The following TBX19 variants were observed in gnomAD, a reference collection of about 807,000 sequenced individuals.
The protein encoded by TBX19 is T-box transcription factor TBX19.
TBX19 carries 33 observed loss-of-function variants against 40.9 expected under a neutral mutation model. That is an observed-to-expected ratio of 0.81 (90% CI 0.61 to 1.08). The LOEUF is 1.08. TBX19 is among the 50% of genes least tolerant of loss of function. The probability of loss-of-function intolerance (pLI) is 0.00; values close to 1 mark genes in which losing one functional copy is unlikely to be tolerated. For missense variants in TBX19, 494 were observed against 574.0 expected (o/e 0.86, Z 1.42); for synonymous variants, 220 against 225.0 (o/e 0.98, Z 0.20).
intron 7 of TBX19, among the ~76,000 whole-genome samples, chr1:168,309,218 C>T (rs888885190): frequency 6.6e-6 from 1 of 152,018 alleles, no homozygotes; most frequent in Admixed American, 6.6e-5. Context: ...ACTAAAAATA[C>T]AAAAATTAGC....
chr1:168,312,563 C>G, intron 7 of TBX19, 145 bp from the exon 8 acceptor site: 1 of 895,042 alleles, frequency 1.1e-6, no homozygotes, highest in South Asian at 1.5e-5. Flanking sequence ...CAGGACCAAT[C>G]TGCGTCATAG....
chr1:168,310,329 C>CA (rs1386388456), intron 7 of TBX19, among the ~76,000 whole-genome samples: 3 of 151,176 alleles, frequency 2.0e-5, no homozygotes, highest in African/African-American at 7.3e-5. Context: ...TTTGGGAAGA[C>CA]ATCAGATGAC....
In TBX19 at chr1:168,288,581, A is replaced by G. The variant is rs1000919186; in HGVS notation, c.204-2579A>G. Among the ~76,000 whole-genome samples the G allele has an allele frequency of 2.6e-5, 4 of 152,334 alleles. No homozygotes were observed. In the South Asian group the frequency reaches 8.3e-4, roughly 32 times the overall value. On this transcript the variant is annotated intron_variant, in intron 1 of 7. Coordinates refer to ENST00000367821, the MANE Select transcript of TBX19 (RefSeq NM_005149.3). ...CTCGCCTTAAGTCATTTCTTAAATC[A>G]TAAGTCAGAACTTTATGAAACATCC...
intron 1 of TBX19, among the ~76,000 whole-genome samples, chr1:168,285,299 A>ACC (rs761737707): frequency 4.5e-5 from 6 of 132,384 alleles, no homozygotes; most frequent in African/African-American, 1.7e-4. Context: ...ACACACACAC[A>ACC]CCCCTCTAAA....
chr1:168,303,442 T>TC (rs1649325823), intron 5 of TBX19, among the ~76,000 whole-genome samples: 1 of 152,216 alleles, frequency 6.6e-6, no homozygotes, highest in African/African-American at 2.4e-5. Flanking sequence ...AGTCCTTTGA[T>TC]AGGACTGTAA....
intron 2 of TBX19, among the ~76,000 whole-genome samples, chr1:168,292,230 G>T (rs530107126): frequency 3.3e-5 from 5 of 152,212 alleles, no homozygotes; most frequent in Admixed American, 6.5e-5. Context: ...GTGTCCAGAG[G>T]TAACACTACC....
chr1:168,300,588 A>C (rs1010148173), intron 5 of TBX19, 105 bp downstream of exon 5: 93 of 1,050,526 alleles, frequency 8.9e-5, no homozygotes, highest in Non-Finnish European at 1.2e-4. Context: ...AGGACTTCCA[A>C]ATCAAAACCC....
chr1:168,301,662 T>C lies in TBX19; in HGVS notation c.727+1179T>C, dbSNP rs112750555. Among the ~76,000 whole-genome samples, 143 of 152,346 alleles carry C rather than the reference T, an allele frequency of 9.4e-4. 1 individual carries two copies. The highest frequency in any genetic ancestry group is 3.3e-3 in the African/African-American group (137 of 41,588). On this transcript the variant is annotated intron_variant, in intron 5 of 7. Coordinates refer to ENST00000367821, the MANE Select transcript of TBX19 (RefSeq NM_005149.3). ...TTGGGTCAAGTTTGAGGACTACAGCTTGGGAGCACAGATTCAAGTTCCCCT... is the reference window on the plus strand; with the variant it reads ...TTGGGTCAAGTTTGAGGACTACAGCCTGGGAGCACAGATTCAAGTTCCCCT...
chr1:168,298,062 G>A (rs991633292), intron 4 of TBX19, among the ~76,000 whole-genome samples: 3 of 152,174 alleles, frequency 2.0e-5, no homozygotes, highest in African/African-American at 4.8e-5. Flanking sequence ...CGGGTGTGGT[G>A]GCGGGCGCCT....
intron 7 of TBX19, among the ~76,000 whole-genome samples, chr1:168,310,818 T>G (rs1046317840): frequency 3.4e-5 from 5 of 146,760 alleles, no homozygotes; most frequent in South Asian, 2.1e-4. Flanking sequence ...CTATAAAATA[T>G]ATATTAAAAA....
In TBX19 at chr1:168,291,271, C is replaced by T. The variant is rs143801899; in HGVS notation, c.315C>T (p.Asn105=). ...ACAGTCACCGCTGGAAGTACGTCAA[C>T]GGGGAATGGGTGCCCGCTGGCAAGC... is the stretch of plus-strand genomic sequence containing the variant. ...PTDSHRWKYV[N]GEWVPAGKPE... The change falls in exon 2 of 8, where the codon AAC becomes AAT. Residue 105 remains asparagine, a synonymous_variant. Transcript: ENST00000367821. 2,054 of 1,614,240 alleles carry T rather than the reference C, an allele frequency of 1.3e-3. 1 individual carries two copies. The highest frequency in any genetic ancestry group is 1.4e-3 in the Non-Finnish European group (1,672 of 1,180,048).
chr1:168,297,623 G>A (rs1455851204), intron 3 of TBX19, 101 bp from the exon 4 acceptor site: 6 of 1,080,300 alleles, frequency 5.6e-6, no homozygotes, highest in Middle Eastern at 2.0e-4. Flanking sequence ...GAAAGGGAAG[G>A]AAAAGAGAGG....
intron 4 of TBX19, among the ~76,000 whole-genome samples, 182 bp downstream of exon 4, chr1:168,297,967 C>T (rs537206584): frequency 2.1e-4 from 32 of 152,180 alleles, no homozygotes; most frequent in Admixed American, 1.5e-3. Context: ...GAGGCCGAGG[C>T]GGGCAGATTA....
Position 168,281,176 on chromosome 1 carries a change from C to T in TBX19, c.86C>T (p.Ala29Val). ...AATGTGGTGGAGAGTGAGCTTCAGG[C>T]AGGGAGGGAAAAAGGCGACCCTACG... ...LLNVVESELQ[A>V]GREKGDPTEK... The change falls in exon 1 of 8, where the codon GCA becomes GTA. Residue 29 changes from alanine to valine, a missense_variant. Physicochemically the swap from Ala to Val is moderately conservative, Grantham distance 64. Around this residue, in one of 3 missense-constraint regions of TBX19, gnomAD observed 201 missense variants for 235.2 expected, o/e 0.85. Coordinates refer to ENST00000367821, the MANE Select transcript of TBX19 (RefSeq NM_005149.3). 6.2e-7 allele frequency: 1 copy of T among 1,614,094 alleles called. No homozygotes were observed.
Position 168,297,777 on chromosome 1 carries a change from C to T in TBX19, c.657C>T (p.Ala219=). The change falls in exon 4 of 8, where the codon GCC becomes GCT. Residue 219 remains alanine, a synonymous_variant. Coordinates refer to ENST00000367821, the MANE Select transcript of TBX19 (RefSeq NM_005149.3). ...YNPFAKAFLD[A]KERNHLRDVP... is the part of the protein sequence containing the mutation. ...CTTTTGCCAAAGCCTTCTTGGATGC[C>T]AAGGAAAGGTAAGTAAAGAAATTTT... The T allele has an allele frequency of 6.2e-7, 1 of 1,613,548 alleles. No individual in the cohort carries two copies. The highest frequency in any genetic ancestry group is 8.5e-7 in the Non-Finnish European group (1 of 1,179,618).
intron 1 of TBX19, among the ~76,000 whole-genome samples, chr1:168,290,524 A>C (rs1294978214): frequency 3.9e-5 from 6 of 152,174 alleles, no homozygotes; most frequent in Non-Finnish European, 1.5e-5. Context: ...TACAGTTAAG[A>C]GTTCCTCTCA....
chr1:168,284,924 C>T lies in TBX19; in HGVS notation c.203+3631C>T, dbSNP rs1007919473. 2.6e-5 allele frequency among the ~76,000 whole-genome samples: 4 copies of T among 151,918 alleles called. 1 individual carries two copies. The highest frequency in any genetic ancestry group is 7.3e-5 in the African/African-American group (3 of 41,364). On this transcript the variant is annotated intron_variant, in intron 1 of 7. Coordinates refer to ENST00000367821, the MANE Select transcript of TBX19 (RefSeq NM_005149.3). Reference sequence around the variant, plus strand: ...AATTTGCCGATTAGTTTCGATGATTCACCAGTGCTTGATGATTAAGGGGTA... The same window carrying T: ...AATTTGCCGATTAGTTTCGATGATTTACCAGTGCTTGATGATTAAGGGGTA...
Position 168,308,809 on chromosome 1 carries a change from A to G in TBX19, c.984A>G (p.Leu328=), listed in dbSNP as rs1649463259. 2.5e-6 allele frequency: 4 copies of G among 1,613,982 alleles called. No homozygotes were observed. Among genetic ancestry groups the G allele is most frequent in the Non-Finnish European group, 3.4e-6 (4 of 1,180,024 alleles). ...VFSGPDSWTS[L]SSTPHASILS... is the part of the protein sequence containing the mutation. ...CGGGACCTGACAGCTGGACTTCCTTATCCTCCACACCCCATGCCAGCATCC... is the reference window on the plus strand; with the variant it reads ...CGGGACCTGACAGCTGGACTTCCTTGTCCTCCACACCCCATGCCAGCATCC... Residue 328 remains leucine (L), a synonymous_variant, in exon 7 of 8, where the codon TTA becomes TTG. Transcript: ENST00000367821.
chr1:168,293,051 A>G (rs7543224), intron 2 of TBX19, 93 bp from the exon 3 acceptor site: 1,033,069 of 1,589,888 alleles, frequency 0.65, 338,493 homozygotes, highest in Non-Finnish European at 0.67. Context: ...GGGTGGTGCT[A>G]AGCTTGGGAC....
Sources: gnomAD v4.1 joint callset for allele counts (sites outside exome capture counted in the v4.1 genomes callset) on GRCh38, gnomAD v4.1.1 for gene constraint, gnomAD v4.1.1 regional missense constraint, MANE v1.5 for transcripts, NCBI Gene and HGNC (gene_info 2026-07-23, HGNC 2026-07-21) for gene names.